Variants in LUC7L observed in about 807,000 individuals in gnomAD.
The protein encoded by LUC7L is putative RNA-binding protein Luc7-like 1.
LUC7L carries 29 observed loss-of-function variants against 51.1 expected under a neutral mutation model. That is an observed-to-expected ratio of 0.57 (90% CI 0.42 to 0.77). The LOEUF is 0.77. Among genes scored for constraint, LUC7L ranks in the 30% least tolerant of loss-of-function variants. The pLI, the probability that LUC7L is intolerant of heterozygous loss-of-function variation, is 0.00. For synonymous variants in LUC7L, 181 were observed against 180.7 expected (o/e 1.00, Z -0.01); for missense variants, 403 against 511.9 (o/e 0.79, Z 2.05).
chr16:227,312 T>C lies in LUC7L; in HGVS notation c.86A>G (p.Lys29Arg), dbSNP rs760146703. Residue 29 changes from lysine to arginine, a missense_variant, in exon 2 of 10, where the codon AAG becomes AGG. Around this residue, in one of 3 missense-constraint regions of LUC7L, gnomAD observed 182 missense variants for 248.4 expected, o/e 0.73. Coordinates refer to ENST00000293872, the MANE Select transcript of LUC7L (RefSeq NM_201412.3). ...RDGDETRQRV[K>R]FTDDRVCKSH... ...CTTGCAGACACGGTCATCTGTAAAC[T>C]TGACCCTCTGTCTGGTTTCGTCTCC... The C allele has an allele frequency of 3.8e-5, 62 of 1,611,172 alleles. No homozygotes were observed. Among genetic ancestry groups the C allele is most frequent in the Non-Finnish European group, 4.9e-5 (58 of 1,178,552 alleles).
At chr16:229,086 C>T (rs550337104) in intron 1 of LUC7L, 193 bp downstream of exon 1, 47 of 1,412,478 alleles carry the variant, frequency 3.3e-5, no homozygotes, top group South Asian at 1.1e-4. Flanking sequence ...GGAGCCCGAC[C>T]TGGACCCACG....
At chr16:227,690 G>A in intron 1 of LUC7L, 1 of 1,060,174 alleles carries the variant, frequency 9.4e-7, no homozygotes, top group Non-Finnish European at 1.1e-6. Flanking sequence ...GAACCACCAA[G>A]GGTGACTTAT....
intron 2 of LUC7L, among the ~76,000 whole-genome samples, chr16:222,255 T>C (rs982024055): frequency 3.4e-5 from 5 of 148,490 alleles, no homozygotes; most frequent in Non-Finnish European, 5.9e-5. Flanking sequence ...AGTTATAGAG[T>C]GCATGTTAAC....
At chr16:195,172 T>C (rs2049116216) in intron 6 of LUC7L, among the ~76,000 whole-genome samples, 1 of 152,140 alleles carries the variant, frequency 6.6e-6, no homozygotes, top group East Asian at 1.9e-4. Flanking sequence ...TCATGCCATT[T>C]CAGCACTCTG....
In LUC7L at chr16:192,984, T is replaced by C; in HGVS notation, c.719A>G (p.Asn240Ser). 6.2e-7 allele frequency: 1 copy of C among 1,613,540 alleles called. No homozygotes were observed. Residue 240 changes from asparagine to serine, a missense_variant, in exon 7 of 10, where the codon AAT becomes AGT. By Grantham distance (46) the Asn-to-Ser change is conservative (BLOSUM62 1). Coordinates refer to ENST00000293872, the MANE Select transcript of LUC7L (RefSeq NM_201412.3). ...CTCTCTCCTCCTCAAGCGATCCTGATTTCTCTTCTCCTGCTTTTCAGCGAC... is the reference window on the plus strand; with the variant it reads ...CTCTCTCCTCCTCAAGCGATCCTGACTTCTCTTCTCCTGCTTTTCAGCGAC... ...KTVAEKQEKRNQDRLRRREER... is the reference protein window; with the variant it reads ...KTVAEKQEKRSQDRLRRREER...
chr16:208,046 A>G (rs1405792824), intron 4 of LUC7L, 32 bp downstream of exon 4: 10 of 1,483,698 alleles, frequency 6.7e-6, no homozygotes, highest in Admixed American at 2.0e-5. Flanking sequence ...ATTTTTAAGA[A>G]CACACCAGAC....
At chr16:201,591 C>T (rs1333586711) in intron 5 of LUC7L, among the ~76,000 whole-genome samples, 3 of 152,028 alleles carry the variant, frequency 2.0e-5, no homozygotes, top group South Asian at 2.1e-4. Flanking sequence ...AAGCGCACGC[C>T]GCCACGCCCG....
rs577208708 is a variant in LUC7L at position 210,778 on chromosome 16, G to A, written c.256-2590C>T. Among the ~76,000 whole-genome samples, 20 of 152,324 alleles carry A rather than the reference G, an allele frequency of 1.3e-4. No homozygotes were observed. The East Asian group carries it at 3.5e-3, about 26-fold the overall frequency. ...CCTAAAAACTAAATGGTGGCCGGGCGTGGTGGCTCACGCCTGTAATCCCAG... is the reference window on the plus strand; with the variant it reads ...CCTAAAAACTAAATGGTGGCCGGGCATGGTGGCTCACGCCTGTAATCCCAG... On this transcript the variant is annotated intron_variant, in intron 3 of 9. Coordinates refer to ENST00000293872, the MANE Select transcript of LUC7L (RefSeq NM_201412.3).
chr16:190,477 A>C (rs2048982729), intron 8 of LUC7L, 64 bp downstream of exon 8: 1 of 1,509,742 alleles, frequency 6.6e-7, no homozygotes, highest in Non-Finnish European at 9.2e-7. Context: ...TAATCATTAA[A>C]TATTAAGAAA....
At chr16:222,401 G>A (rs915542862) in intron 2 of LUC7L, among the ~76,000 whole-genome samples, 2 of 151,770 alleles carry the variant, frequency 1.3e-5, no homozygotes, top group Admixed American at 1.3e-4. Flanking sequence ...CCTTTGGGAG[G>A]GCAAGATGGG....
At chr16:217,996 G>A (rs2049854952) in intron 3 of LUC7L, among the ~76,000 whole-genome samples, 1 of 148,342 alleles carries the variant, frequency 6.7e-6, no homozygotes, top group Admixed American at 6.9e-5. Context: ...CTGTACTACA[G>A]CCTGGGCGAC....
intron 3 of LUC7L, among the ~76,000 whole-genome samples, chr16:214,342 G>A (rs112137404): frequency 1.3e-5 from 2 of 152,298 alleles, no homozygotes; most frequent in African/African-American, 4.8e-5. Context: ...TTACAGGTGT[G>A]AGCCACTGAG....
In LUC7L at chr16:229,365, G is replaced by A. The variant is rs2142133662; in HGVS notation, c.-26C>T. On this transcript the variant is annotated 5_prime_UTR_variant, in exon 1 of 10. Coordinates refer to ENST00000293872, the MANE Select transcript of LUC7L (RefSeq NM_201412.3). ...GGTAGCCGGCGGAGGCGACGGGGTC[G>A]GCCGCGACGACTTCTCTCAGGCAGG... 3 of 1,488,358 alleles carry A rather than the reference G, an allele frequency of 2.0e-6. No homozygotes were observed. The highest frequency in any genetic ancestry group is 2.7e-6 in the Non-Finnish European group (3 of 1,120,408). 92.2% of individuals were successfully genotyped at this position (1,488,358 alleles called of 1,614,324 possible).
rs894812438 is a variant in LUC7L at position 208,149 on chromosome 16, G to A, written c.295C>T (p.Arg99Trp). ...CGCTTCTTGGCGAGCTCAGTTCTCC[G>A]ATCACATTCAGCAATAAAGGACTCC... ...HLESFIAECD[R>W]RTELAKKRLA... The change falls in exon 4 of 10, where the codon CGG becomes TGG. Residue 99 changes from arginine (R) to tryptophan (W), a missense_variant. Around this residue, in one of 3 missense-constraint regions of LUC7L, gnomAD observed 182 missense variants for 248.4 expected, o/e 0.73. Transcript: ENST00000293872. 1.2e-6 allele frequency: 2 copies of A among 1,613,580 alleles called. No homozygotes were observed. Among genetic ancestry groups the A allele is most frequent in the South Asian group, 1.1e-5 (1 of 91,004 alleles).
chr16:220,475 C>A, intron 3 of LUC7L, 174 bp downstream of exon 3: 1 of 573,870 alleles, frequency 1.7e-6, no homozygotes, highest in Non-Finnish European at 3.1e-6. Context: ...TGACAGGACG[C>A]TGGACACAAC....
At chr16:224,690 A>G (rs1448681868) in intron 2 of LUC7L, among the ~76,000 whole-genome samples, 1 of 143,282 alleles carries the variant, frequency 7.0e-6, no homozygotes, top group Non-Finnish European at 1.5e-5. Context: ...AAAATTAGCC[A>G]GGTGTGGTGG....
At chr16:192,362 C>T (rs1235285715) in intron 7 of LUC7L, among the ~76,000 whole-genome samples, 1 of 152,142 alleles carries the variant, frequency 6.6e-6, no homozygotes, top group Non-Finnish European at 1.5e-5. Flanking sequence ...TGTCCAATGG[C>T]CCCATAGCAC....
At position 229,298 on chromosome 16, in the gene LUC7L, G is replaced by C. The variant is rs1567197905; in HGVS notation, c.42C>G (p.Leu14=). 1.3e-6 allele frequency: 2 copies of C among 1,541,352 alleles called. No individual in the cohort carries two copies. Among genetic ancestry groups the C allele is most frequent in the Non-Finnish European group, 8.7e-7 (1 of 1,151,166 alleles). The stretch of plus-strand genomic sequence containing the variant: ...ACTCACCGTCCCGAGCCGTGCCCAT[G>C]AGCTGGTCCAGCAGGGCCCGCATCT... ...QAQMRALLDQ[L]MGTARDGDET... is the part of the protein sequence containing the mutation. The change falls in exon 1 of 10, where the codon CTC becomes CTG. Residue 14 remains leucine (L), a synonymous_variant. Coordinates refer to ENST00000293872, the MANE Select transcript of LUC7L (RefSeq NM_201412.3).
intron 3 of LUC7L, among the ~76,000 whole-genome samples, chr16:219,343 G>A (rs1479841351): frequency 2.0e-5 from 3 of 151,898 alleles, no homozygotes; most frequent in Non-Finnish European, 4.4e-5. Flanking sequence ...GAGCCAAGAT[G>A]GTGCCACTGC....
Sources: gnomAD v4.1 joint callset for allele counts (sites outside exome capture counted in the v4.1 genomes callset) on GRCh38, gnomAD v4.1.1 for gene constraint, gnomAD v4.1.1 regional missense constraint, MANE v1.5 for transcripts, NCBI Gene and HGNC (gene_info 2026-07-23, HGNC 2026-07-21) for gene names.